PDCD1LG2: variants seen among roughly 807,000 people sequenced by gnomAD.
The protein encoded by PDCD1LG2 is B7 dendritic cell molecule.
In PDCD1LG2, 32 loss-of-function variants were observed where a neutral mutation model predicts 28.2. That is an observed-to-expected ratio of 1.13 (90% CI 0.86 to 1.52). The LOEUF (loss-of-function observed/expected upper bound fraction) is 1.52. PDCD1LG2 is among the 40% of genes most tolerant of loss of function. PDCD1LG2 has a pLI of 0.00. For missense variants in PDCD1LG2, 385 were observed against 323.8 expected (o/e 1.19, Z -1.45); for synonymous variants, 116 against 120.2 (o/e 0.97, Z 0.23).
chr9:5,547,036 AG>A (rs1290535899), intron 3 of PDCD1LG2, among the ~76,000 whole-genome samples: 1 of 152,188 alleles, frequency 6.6e-6, no homozygotes, highest in Non-Finnish European at 1.5e-5. Context: ...ACAACACAGG[AG>A]GGGAACAGAG....
chr9:5,563,020 C>T (rs1563834642), intron 5 of PDCD1LG2, 142 bp from the exon 6 acceptor site: 11 of 689,768 alleles, frequency 1.6e-5, no homozygotes, highest in Admixed American at 8.4e-5. Context: ...CATTACCATC[C>T]GAAGTCCCAG....
chr9:5,544,742 C>T (rs56354853), intron 3 of PDCD1LG2, among the ~76,000 whole-genome samples: 2 of 71,562 alleles, frequency 2.8e-5, no homozygotes, highest in South Asian at 3.6e-4. Context: ...GGCTGATGGC[C>T]TCAGTCAACT....
intron 2 of PDCD1LG2, among the ~76,000 whole-genome samples, chr9:5,523,305 A>G (rs1586794652): frequency 1.3e-5 from 2 of 152,302 alleles, no homozygotes; most frequent in East Asian, 3.9e-4. Flanking sequence ...TTTTGGATGA[A>G]CACCAGGAGC....
Position 5,545,900 on chromosome 9 carries a change from A to G in PDCD1LG2, c.362-3435A>G, listed in dbSNP as rs575517048. ...TGTAGAAGGTGTTTTTCATTGAGCA[A>G]TAAGTCAGATGACTTGAATTTTTGG... is the stretch of plus-strand genomic sequence containing the variant. On this transcript the variant is annotated intron_variant, in intron 3 of 6. Transcript: ENST00000397747. Among the ~76,000 whole-genome samples the G allele has an allele frequency of 6.6e-5, 10 of 152,340 alleles. No homozygotes were observed. In the South Asian group the frequency reaches 2.1e-3, roughly 32 times the overall value.
chr9:5,545,172 G>A (rs924116992), intron 3 of PDCD1LG2, among the ~76,000 whole-genome samples: 2 of 152,034 alleles, frequency 1.3e-5, no homozygotes, highest in African/African-American at 4.8e-5. Flanking sequence ...TAACACCCTT[G>A]TTAAGGATAA....
intron 2 of PDCD1LG2, among the ~76,000 whole-genome samples, chr9:5,531,238 T>A (rs1401772479): frequency 6.6e-6 from 1 of 152,234 alleles, no homozygotes; most frequent in South Asian, 2.1e-4. Flanking sequence ...AACCTCTTCA[T>A]AGAATTGTTT....
chr9:5,530,434 G>A (rs1009120168), intron 2 of PDCD1LG2, among the ~76,000 whole-genome samples: 1 of 148,734 alleles, frequency 6.7e-6, no homozygotes, highest in African/African-American at 2.5e-5. Context: ...CATGTGGCAT[G>A]TAAAGTAGAA....
At position 5,557,249 on chromosome 9, in the gene PDCD1LG2, G is replaced by T. The variant is rs533666041; in HGVS notation, c.632-369G>T. On this transcript the variant is annotated intron_variant, in intron 4 of 6. Coordinates refer to ENST00000397747, the MANE Select transcript of PDCD1LG2 (RefSeq NM_025239.4). ...GAGAAAAAAGAAAGAAAGATGATTA[G>T]ATGATAGATGGATGGATTGATGGAT... 2.1e-4 allele frequency among the ~76,000 whole-genome samples: 29 copies of T among 138,382 alleles called. 2 individuals are homozygous for T. The East Asian group carries it at 6.4e-3, about 30-fold the overall frequency. The allele number at this position is 138,382 out of a possible 152,430, so 90.8% of individuals were successfully genotyped here. A position where few individuals can be genotyped will look rare whatever the true frequency, so the allele number is the denominator to read the frequency against.
chr9:5,553,950 C>T (rs538472596), intron 4 of PDCD1LG2, among the ~76,000 whole-genome samples: 1 of 152,222 alleles, frequency 6.6e-6, no homozygotes, highest in Non-Finnish European at 1.5e-5. Flanking sequence ...ACCTCCATGC[C>T]TTCTTTGCTC....
At chr9:5,554,016 T>G (rs554993302) in intron 4 of PDCD1LG2, among the ~76,000 whole-genome samples, 2 of 152,168 alleles carry the variant, frequency 1.3e-5, no homozygotes, top group African/African-American at 2.4e-5. Flanking sequence ...AAGCCCACCC[T>G]CTCTCTGGGG....
At chr9:5,525,242 A>G (rs980044943) in intron 2 of PDCD1LG2, among the ~76,000 whole-genome samples, 2 of 151,774 alleles carry the variant, frequency 1.3e-5, no homozygotes, top group Non-Finnish European at 2.9e-5. Flanking sequence ...CAAGCTACTC[A>G]GCTGAGGCAG....
At chr9:5,531,483 A>T (rs1161378838) in intron 2 of PDCD1LG2, among the ~76,000 whole-genome samples, 2 of 152,182 alleles carry the variant, frequency 1.3e-5, no homozygotes, top group African/African-American at 4.8e-5. Flanking sequence ...TTTCTCTTGT[A>T]AATATTAGCT....
At chr9:5,540,309 G>A (rs940952387) in intron 3 of PDCD1LG2, among the ~76,000 whole-genome samples, 1 of 152,076 alleles carries the variant, frequency 6.6e-6, no homozygotes, top group African/African-American at 2.4e-5. Flanking sequence ...GGCAATCTAA[G>A]GTCACACCTC....
chr9:5,563,086 C>T (rs1816597899), intron 5 of PDCD1LG2, 76 bp from the exon 6 acceptor site: 2 of 1,156,800 alleles, frequency 1.7e-6, no homozygotes, highest in African/African-American at 3.1e-5. Flanking sequence ...TACTTTTTGT[C>T]CTGCCATATT....
chr9:5,557,456 G>A lies in PDCD1LG2; in HGVS notation c.632-162G>A, dbSNP rs145907971. ...CAACTTCACAGAGTGGTTGCGAGGA[G>A]TGGATGAGCTGATAGGTGCAGAGCA... is the stretch of plus-strand genomic sequence containing the variant. On this transcript the variant is annotated intron_variant, in intron 4 of 6. Coordinates refer to ENST00000397747, the MANE Select transcript of PDCD1LG2 (RefSeq NM_025239.4). Among the ~76,000 whole-genome samples the A allele has an allele frequency of 2.0e-3, 303 of 152,344 alleles. 1 individual carries two copies. The highest frequency in any genetic ancestry group is 6.7e-3 in the African/African-American group (278 of 41,586).
intron 2 of PDCD1LG2, among the ~76,000 whole-genome samples, chr9:5,529,160 A>G (rs1820435706): frequency 6.6e-6 from 1 of 152,226 alleles, no homozygotes; most frequent in South Asian, 2.1e-4. Flanking sequence ...ATTTTGATGA[A>G]GTTTGATTTA....
In PDCD1LG2 at chr9:5,569,156, A is replaced by T. The variant is rs1816722822; in HGVS notation, c.817-798A>T. 6.6e-6 allele frequency among the ~76,000 whole-genome samples: 1 copy of T among 152,218 alleles called. No homozygotes were observed. Among genetic ancestry groups the T allele is most frequent in the South Asian group, 2.1e-4 (1 of 4,830 alleles). On this transcript the variant is annotated intron_variant, in intron 6 of 6. Coordinates refer to ENST00000397747, the MANE Select transcript of PDCD1LG2 (RefSeq NM_025239.4). The surrounding 1 kb of genome is among the most constrained non-coding windows in gnomAD (Gnocchi z 4.1). ...GGCAAAAGTTAGATTTTACTTACTA[A>T]GCAAGAGTGCTTCAGTTAGATCCTA...
chr9:5,517,323 A>G (rs1820186748), intron 1 of PDCD1LG2, among the ~76,000 whole-genome samples: 1 of 152,250 alleles, frequency 6.6e-6, no homozygotes, highest in African/African-American at 2.4e-5. Context: ...AAGAGGCCAC[A>G]CAGGCCTGGA....
At chr9:5,516,923 G>T (rs1011195042) in intron 1 of PDCD1LG2, among the ~76,000 whole-genome samples, 17 of 152,196 alleles carry the variant, frequency 1.1e-4, no homozygotes, top group African/African-American at 4.1e-4. Context: ...CAGAGCCACT[G>T]CTGGGCAGCT....
Sources: gnomAD v4.1 joint callset for allele counts (sites outside exome capture counted in the v4.1 genomes callset) on GRCh38, gnomAD v4.1.1 for gene constraint, Gnocchi (gnomAD v3.1) non-coding constraint, MANE v1.5 for transcripts, NCBI Gene and HGNC (gene_info 2026-07-23, HGNC 2026-07-21) for gene names.